The following ELFN1 variants were observed in gnomAD, a reference collection of about 807,000 sequenced individuals.
The protein encoded by ELFN1 is protein ELFN1.
Under a neutral mutation model 7.6 loss-of-function variants are expected in ELFN1, and 6 were observed. That is an observed-to-expected ratio of 0.79 (90% CI 0.43 to 1.56). The LOEUF (loss-of-function observed/expected upper bound fraction) is 1.56, where lower values mean the gene tolerates loss of function less well. Among genes scored for constraint, ELFN1 ranks in the 40% most tolerant of loss-of-function variants. The pLI is 0.01. For missense variants in ELFN1, 1,169 were observed against 1,232.2 expected (o/e 0.95, Z 0.77); for synonymous variants, 657 against 588.1 (o/e 1.12, Z -1.70).
chr7:1,680,737 ATTT>A (rs967183963), intron 1 of ELFN1, among the ~76,000 whole-genome samples: 1 of 128,908 alleles, frequency 7.8e-6, no homozygotes, highest in Non-Finnish European at 1.6e-5. Flanking sequence ...TGGATTTACA[ATTT>A]TTTTTTTTTT....
In ELFN1 at chr7:1,739,587, G is replaced by C. The variant is rs926783676; in HGVS notation, c.-293-4717G>C. 2.6e-5 allele frequency: 4 copies of C among 153,834 alleles called. No homozygotes were observed. The highest frequency in any genetic ancestry group is 9.6e-5 in the African/African-American group (4 of 41,472). The allele number at this position is 153,834 out of a possible 1,614,324, so 9.5% of individuals were successfully genotyped here. A position where few individuals can be genotyped will look rare whatever the true frequency, so the allele number is the denominator to read the frequency against. On this transcript the variant is annotated intron_variant, in intron 3 of 3. Transcript: ENST00000424383. The surrounding 1 kb of genome is among the most constrained non-coding windows in gnomAD (Gnocchi z 4.6). ...CAAGACCCCCTGGGAGAGCTGGGGAGAGGAGGCAGTGAGGACCGAGCCTGG... is the reference window on the plus strand; with the variant it reads ...CAAGACCCCCTGGGAGAGCTGGGGACAGGAGGCAGTGAGGACCGAGCCTGG...
chr7:1,684,003 A>G (rs1220894337), intron 1 of ELFN1, among the ~76,000 whole-genome samples: 1 of 152,166 alleles, frequency 6.6e-6, no homozygotes, highest in Admixed American at 6.5e-5. Context: ...TTTTTAAATT[A>G]GCTGGGCATG....
Position 1,705,216 on chromosome 7 carries a change from G to A in ELFN1, c.-455-3875G>A, listed in dbSNP as rs755942752. 2.4e-4 allele frequency among the ~76,000 whole-genome samples: 36 copies of A among 152,290 alleles called. No individual in the cohort carries two copies. In the East Asian group the frequency reaches 3.3e-3, roughly 14 times the overall value. ...GGGTGGCAGGGACCCTGGGCGGGGCGGCACAGCTGTGCGGGAGGCTGGGCT... is the reference window on the plus strand; with the variant it reads ...GGGTGGCAGGGACCCTGGGCGGGGCAGCACAGCTGTGCGGGAGGCTGGGCT... On this transcript the variant is annotated intron_variant, in intron 2 of 3. Coordinates refer to ENST00000424383, the MANE Select transcript of ELFN1 (RefSeq NM_001128636.4). The surrounding 1 kb of genome is among the most constrained non-coding windows in gnomAD (Gnocchi z 4.3).
chr7:1,700,261 G>A (rs1368329455), intron 2 of ELFN1, among the ~76,000 whole-genome samples: 1 of 152,190 alleles, frequency 6.6e-6, no homozygotes, highest in Non-Finnish European at 1.5e-5. Flanking sequence ...TAACCACCGT[G>A]TGAACTTTGT....
intron 3 of ELFN1, among the ~76,000 whole-genome samples, chr7:1,716,275 G>C (rs138481616): frequency 9.5e-4 from 144 of 152,322 alleles, no homozygotes; most frequent in African/African-American, 3.3e-3. Flanking sequence ...TGGTCCCACA[G>C]CCAGAGGGTC....
intron 1 of ELFN1, among the ~76,000 whole-genome samples, chr7:1,677,324 C>G (rs1464099901): frequency 6.6e-6 from 1 of 152,184 alleles, no homozygotes; most frequent in Non-Finnish European, 1.5e-5. Flanking sequence ...AGGGTGCCCA[C>G]AGAAGTGGGG....
chr7:1,729,074 G>A (rs567133677), intron 3 of ELFN1, among the ~76,000 whole-genome samples: 6 of 152,284 alleles, frequency 3.9e-5, no homozygotes, highest in South Asian at 2.1e-4. Flanking sequence ...CCTGCCCCGC[G>A]GAGCTGCCAC....
At chr7:1,685,997 A>G (rs1219499817) in intron 1 of ELFN1, among the ~76,000 whole-genome samples, 1 of 148,296 alleles carries the variant, frequency 6.7e-6, no homozygotes. Context: ...TTATATTATA[A>G]AAAGCTTTGA....
intron 3 of ELFN1, among the ~76,000 whole-genome samples, chr7:1,728,637 C>G (rs551190494): frequency 6.6e-6 from 1 of 152,222 alleles, no homozygotes; most frequent in Non-Finnish European, 1.5e-5. Context: ...GACCACTTCA[C>G]GCCCCAGGCA....
intron 3 of ELFN1, among the ~76,000 whole-genome samples, chr7:1,733,498 A>G (rs929326507): frequency 2.0e-5 from 3 of 151,822 alleles, no homozygotes; most frequent in Non-Finnish European, 4.4e-5. Context: ...TTATGATAGA[A>G]CTTTCTAGTA....
chr7:1,689,619 A>T (rs1353047071), intron 2 of ELFN1, among the ~76,000 whole-genome samples: 1 of 152,174 alleles, frequency 6.6e-6, no homozygotes, highest in African/African-American at 2.4e-5. Flanking sequence ...AGGGAAAAGC[A>T]TATCCTGTCT....
intron 1 of ELFN1, among the ~76,000 whole-genome samples, chr7:1,680,549 T>C (rs1333202733): frequency 6.6e-6 from 1 of 152,138 alleles, no homozygotes. Context: ...GCCGACACCG[T>C]CACCGTGCCT....
intron 3 of ELFN1, among the ~76,000 whole-genome samples, chr7:1,733,390 T>G (rs1272142523): frequency 6.6e-6 from 1 of 151,944 alleles, no homozygotes; most frequent in Admixed American, 6.6e-5. Context: ...CTGATGGGCG[T>G]GGGGACAGCA....
chr7:1,729,270 G>C (rs1780274073), intron 3 of ELFN1, among the ~76,000 whole-genome samples: 2 of 152,240 alleles, frequency 1.3e-5, no homozygotes, highest in Non-Finnish European at 2.9e-5. Context: ...CTTGGGTTTG[G>C]TGTGAGTCAG....
rs1213138133 is a variant in ELFN1, at chr7:1,739,925, G to A, written c.-293-4379G>A. Among the ~76,000 whole-genome samples, 1 of 152,230 alleles carries A rather than the reference G, an allele frequency of 6.6e-6. No individual in the cohort carries two copies. Among genetic ancestry groups the A allele is most frequent in the Non-Finnish European group, 1.5e-5 (1 of 68,032 alleles). On this transcript the variant is annotated intron_variant, in intron 3 of 3. Coordinates refer to ENST00000424383, the MANE Select transcript of ELFN1 (RefSeq NM_001128636.4). The surrounding 1 kb of genome is among the most constrained non-coding windows in gnomAD (Gnocchi z 4.6). The stretch of plus-strand genomic sequence containing the variant: ...AACCTGCTGCAATGAGGCAGAGGCT[G>A]GAAGTTACACAGGTCAAGTTGGTTT...
At chr7:1,698,479 T>A (rs1779363415) in intron 2 of ELFN1, among the ~76,000 whole-genome samples, 2 of 151,766 alleles carry the variant, frequency 1.3e-5, no homozygotes. Flanking sequence ...CGCAATGAAA[T>A]TTTTTTTTAC....
intron 3 of ELFN1, among the ~76,000 whole-genome samples, chr7:1,726,356 T>C (rs941836946): frequency 5.3e-5 from 8 of 152,228 alleles, no homozygotes; most frequent in African/African-American, 1.9e-4. Context: ...CCTTGGCCCT[T>C]TGAAGCCTAA....
intron 2 of ELFN1, among the ~76,000 whole-genome samples, chr7:1,700,689 C>G (rs556679061): frequency 2.0e-5 from 3 of 152,204 alleles, no homozygotes; most frequent in Non-Finnish European, 4.4e-5. Context: ...CGGCTCTTTC[C>G]CAAAGCGGTG....
chr7:1,734,757 GCA>G (rs1460451684), intron 3 of ELFN1, among the ~76,000 whole-genome samples: 1 of 151,856 alleles, frequency 6.6e-6, no homozygotes, highest in Non-Finnish European at 1.5e-5. Context: ...GAACACAGTG[GCA>G]CAGTCATGGC....
Sources: gnomAD v4.1 joint callset for allele counts (sites outside exome capture counted in the v4.1 genomes callset) on GRCh38, gnomAD v4.1.1 for gene constraint, Gnocchi (gnomAD v3.1) non-coding constraint, MANE v1.5 for transcripts, NCBI Gene and HGNC (gene_info 2026-07-23, HGNC 2026-07-21) for gene names.